The following ANGPT1 variants were observed in gnomAD, a reference collection of about 807,000 sequenced individuals.
ANGPT1 encodes the protein angiopoietin-1.
Under a neutral mutation model 62.2 loss-of-function variants are expected in ANGPT1, and 17 were observed. The observed-to-expected ratio is 0.27, with a 90% CI of 0.19 to 0.41. The LOEUF (loss-of-function observed/expected upper bound fraction) is 0.41, where lower values mean the gene tolerates loss of function less well. ANGPT1 is among the 10% of genes least tolerant of loss of function. ANGPT1 has a pLI of 1.00. For synonymous variants in ANGPT1, 199 were observed against 198.9 expected (o/e 1.00, Z 0.00); for missense variants, 478 against 594.9 (o/e 0.80, Z 2.04).
In ANGPT1 at chr8:107,444,468, A is replaced by T. The variant is rs151025944; in HGVS notation, c.297+52794T>A. 3.0e-3 allele frequency among the ~76,000 whole-genome samples: 458 copies of T among 152,336 alleles called. 9 individuals carry two copies. The highest frequency in any genetic ancestry group is 0.025 in the Admixed American group (378 of 15,290). ...GGCTGAACATGCAAATGAGCTCAGC[A>T]GTCTAGAAGCACGAGGTCCTATCCC... On this transcript the variant is annotated intron_variant, in intron 1 of 8. Coordinates refer to ENST00000517746, the MANE Select transcript of ANGPT1 (RefSeq NM_001146.5).
intron 1 of ANGPT1, among the ~76,000 whole-genome samples, chr8:107,426,098 ACATGC>A (rs33923567): frequency 0.12 from 18,002 of 152,122 alleles, 1,423 homozygotes; most frequent in East Asian, 0.44. Flanking sequence ...TGCTTTACAA[ACATGC>A]TTACACAGAA....
chr8:107,321,595 A>T (rs1182515662), intron 4 of ANGPT1, among the ~76,000 whole-genome samples: 1 of 152,136 alleles, frequency 6.6e-6, no homozygotes, highest in Admixed American at 6.6e-5. Flanking sequence ...ACACCATAAT[A>T]CCAATTATTT....
chr8:107,351,761 C>G (rs753833320), intron 1 of ANGPT1, among the ~76,000 whole-genome samples: 161 of 152,112 alleles, frequency 1.1e-3, no homozygotes, highest in Non-Finnish European at 1.7e-3. Context: ...TTAAAGTCCT[C>G]TCATTAGTTC....
At chr8:107,395,839 T>G (rs1816924083) in intron 1 of ANGPT1, among the ~76,000 whole-genome samples, 1 of 152,270 alleles carries the variant, frequency 6.6e-6, no homozygotes, top group South Asian at 2.1e-4. Flanking sequence ...AAAGATAGGA[T>G]GTACTTCTTC....
intron 7 of ANGPT1, among the ~76,000 whole-genome samples, chr8:107,266,332 T>C (rs1327894640): frequency 1.3e-5 from 2 of 152,172 alleles, no homozygotes; most frequent in African/African-American, 4.8e-5. Context: ...CTCCCAAAGA[T>C]AGACACACAT....
At chr8:107,481,588 T>C (rs529950445) in intron 1 of ANGPT1, among the ~76,000 whole-genome samples, 27 of 140,308 alleles carry the variant, frequency 1.9e-4, no homozygotes, top group Non-Finnish European at 3.3e-4. Flanking sequence ...TAAAAGGTAC[T>C]ATATTAGTCC....
chr8:107,318,177 T>A (rs762690860), intron 4 of ANGPT1, among the ~76,000 whole-genome samples: 3 of 152,220 alleles, frequency 2.0e-5, no homozygotes, highest in Non-Finnish European at 4.4e-5. Context: ...AGATGAAGGT[T>A]AGGCAAAAAT....
At chr8:107,408,580 C>A (rs1392630295) in intron 1 of ANGPT1, among the ~76,000 whole-genome samples, 1 of 152,124 alleles carries the variant, frequency 6.6e-6, no homozygotes, top group East Asian at 1.9e-4. Context: ...ACCCATCCAA[C>A]TCCTTGAGAA....
intron 4 of ANGPT1, among the ~76,000 whole-genome samples, chr8:107,312,317 T>C (rs958352268): frequency 1.6e-4 from 25 of 152,214 alleles, no homozygotes; most frequent in Non-Finnish European, 5.9e-5. Flanking sequence ...TTTTTCAGCC[T>C]GGCTAAAATA....
chr8:107,483,608 T>G (rs1812741946), intron 1 of ANGPT1, among the ~76,000 whole-genome samples: 2 of 151,270 alleles, frequency 1.3e-5, no homozygotes, highest in Non-Finnish European at 2.9e-5. Flanking sequence ...TGGCATAAGG[T>G]CTTTTAAGTG....
chr8:107,483,136 A>G (rs1354724135), intron 1 of ANGPT1, among the ~76,000 whole-genome samples: 1 of 152,206 alleles, frequency 6.6e-6, no homozygotes, highest in Non-Finnish European at 1.5e-5. Flanking sequence ...GACATTTCAA[A>G]ATAGTAGGAT....
At chr8:107,340,636 G>A (rs1472092901) in intron 2 of ANGPT1, among the ~76,000 whole-genome samples, 1 of 151,386 alleles carries the variant, frequency 6.6e-6, no homozygotes, top group African/African-American at 2.4e-5. Context: ...GGGCTCCGGT[G>A]AGGTGTGCCC....
chr8:107,384,212 A>G (rs1411264811), intron 1 of ANGPT1, among the ~76,000 whole-genome samples: 3 of 152,146 alleles, frequency 2.0e-5, no homozygotes, highest in Middle Eastern at 3.4e-3. Flanking sequence ...TTGTCTGGGG[A>G]GTGCTTAAAA....
At chr8:107,451,764 G>A (rs893679083) in intron 1 of ANGPT1, among the ~76,000 whole-genome samples, 6 of 151,890 alleles carry the variant, frequency 4.0e-5, no homozygotes, top group Admixed American at 1.3e-4. Context: ...AAAAAGGAAG[G>A]AAGATGTTTC....
chr8:107,489,651 A>G (rs1812906587), intron 1 of ANGPT1, among the ~76,000 whole-genome samples: 1 of 152,194 alleles, frequency 6.6e-6, no homozygotes, highest in African/African-American at 2.4e-5. Flanking sequence ...TAGATCCTAC[A>G]TGGAAATAGC....
At chr8:107,476,441 G>C (rs376174380) in intron 1 of ANGPT1, among the ~76,000 whole-genome samples, 148 of 152,102 alleles carry the variant, frequency 9.7e-4, no homozygotes, top group African/African-American at 3.3e-3. Flanking sequence ...GTCATGGGGT[G>C]GGGGGGAGCA....
At chr8:107,451,211 A>G (rs1811770576) in intron 1 of ANGPT1, among the ~76,000 whole-genome samples, 1 of 151,850 alleles carries the variant, frequency 6.6e-6, no homozygotes. Context: ...GGAGACATCA[A>G]TTGAGCAGTG....
chr8:107,314,785 A>G (rs745945322), intron 4 of ANGPT1, among the ~76,000 whole-genome samples: 4 of 152,204 alleles, frequency 2.6e-5, no homozygotes, highest in Admixed American at 6.5e-5. Context: ...GTAGTAAATG[A>G]AAAACCAAGT....
At chr8:107,436,113 C>T (rs1811325895) in intron 1 of ANGPT1, among the ~76,000 whole-genome samples, 1 of 152,110 alleles carries the variant, frequency 6.6e-6, no homozygotes, top group South Asian at 2.1e-4. Context: ...TCTATGTTGC[C>T]CAGGCTGGTC....
Sources: gnomAD v4.1 joint callset for allele counts (sites outside exome capture counted in the v4.1 genomes callset) on GRCh38, gnomAD v4.1.1 for gene constraint, MANE v1.5 for transcripts, NCBI Gene and HGNC (gene_info 2026-07-23, HGNC 2026-07-21) for gene names.